INTS7: variants seen among roughly 807,000 people sequenced by gnomAD.
INTS7 encodes the protein integrator complex subunit 7.
In INTS7, 46 loss-of-function variants were observed where a neutral mutation model predicts 109.2. The observed-to-expected ratio is 0.42, with a 90% CI of 0.33 to 0.54. The LOEUF is 0.54. Among genes scored for constraint, INTS7 ranks in the 20% least tolerant of loss-of-function variants. The pLI is 0.07. For synonymous variants in INTS7, 412 were observed against 402.9 expected (o/e 1.02, Z -0.27); for missense variants, 929 against 1,132.4 (o/e 0.82, Z 2.58).
At chr1:211,997,141 C>T (rs1018577881) in intron 7 of INTS7, among the ~76,000 whole-genome samples, 4 of 151,878 alleles carry the variant, frequency 2.6e-5, no homozygotes, top group Non-Finnish European at 5.9e-5. Flanking sequence ...AAATCACCAC[C>T]AAAGAACTTA....
Position 211,974,268 on chromosome 1 carries a change from AAAAAAAAAATATATAT to A in INTS7, c.1815+882_1815+897del, listed in dbSNP as rs1342703339. ...ATAGGAAACAACAATCTCTTCCCAGAAAAAAAAAATATATATATATATATATATATATATATATATA... is the reference window on the plus strand; with the variant it reads ...ATAGGAAACAACAATCTCTTCCCAGAATATATATATATATATATATATATA... On this transcript the variant is annotated intron_variant, in intron 13 of 19. Coordinates refer to ENST00000366994, the MANE Select transcript of INTS7 (RefSeq NM_015434.4). Among the ~76,000 whole-genome samples, 318 of 83,774 alleles carry A rather than the reference AAAAAAAAAATATATAT, an allele frequency of 3.8e-3. 1 individual carries two copies. The highest frequency in any genetic ancestry group is 0.014 in the African/African-American group (273 of 20,028). The allele number at this position is 83,774 out of a possible 152,430, so 55.0% of individuals were successfully genotyped here.
intron 16 of INTS7, among the ~76,000 whole-genome samples, chr1:211,958,153 C>G (rs937237795): frequency 1.3e-5 from 2 of 151,370 alleles, no homozygotes; most frequent in African/African-American, 4.8e-5. Context: ...AAATAATTTT[C>G]CTTCAGCCTA....
In INTS7 at chr1:211,941,754, T is replaced by C. The variant is rs1662640435; in HGVS notation, c.*70A>G. 1.9e-6 allele frequency: 3 copies of C among 1,544,272 alleles called. No homozygotes were observed. The highest frequency in any genetic ancestry group is 2.7e-5 in the African/African-American group (2 of 72,820). On this transcript the variant is annotated 3_prime_UTR_variant, in exon 20 of 20. Transcript: ENST00000366994. Reference sequence around the variant, plus strand: ...CACTGTAACTTTAATACTTATTCCATATGAAAAACCAAACTGTTTCTGGCA... The same window carrying C: ...CACTGTAACTTTAATACTTATTCCACATGAAAAACCAAACTGTTTCTGGCA...
intron 16 of INTS7, among the ~76,000 whole-genome samples, chr1:211,961,795 G>A (rs980900511): frequency 1.3e-5 from 2 of 152,110 alleles, no homozygotes; most frequent in African/African-American, 4.8e-5. Flanking sequence ...AGCTTCATGA[G>A]TGACAGAAAA....
rs374235479 is a variant in INTS7, at chr1:211,952,380, C to T, written c.2316+189G>A. 6 of 479,178 alleles carry T rather than the reference C, an allele frequency of 1.3e-5. No individual in the cohort carries two copies. In the East Asian group the frequency reaches 1.4e-4, roughly 11 times the overall value. The allele number at this position is 479,178 out of a possible 1,614,324, so 29.7% of individuals were successfully genotyped here. On this transcript the variant is annotated intron_variant, in intron 17 of 19. Transcript: ENST00000366994. Reference sequence around the variant, plus strand: ...TAACTACGTAGCAGCTAGAGATGTGCTAAGTACTTTCATGGATTATCTCAT... The same window carrying T: ...TAACTACGTAGCAGCTAGAGATGTGTTAAGTACTTTCATGGATTATCTCAT...
At chr1:212,010,450 C>A (rs1009549364) in intron 5 of INTS7, among the ~76,000 whole-genome samples, 3 of 152,134 alleles carry the variant, frequency 2.0e-5, no homozygotes, top group Non-Finnish European at 4.4e-5. Flanking sequence ...ATTCTAAATG[C>A]AACTGGAAGA....
At chr1:211,980,714 T>C (rs957081516) in intron 10 of INTS7, among the ~76,000 whole-genome samples, 14 of 151,852 alleles carry the variant, frequency 9.2e-5, no homozygotes, top group African/African-American at 2.7e-4. Flanking sequence ...GCTGGGATTA[T>C]AGGCATGAGA....
rs1480156850 is a variant in INTS7 at position 211,981,152 on chromosome 1, C to T, written c.1171G>A (p.Glu391Lys). ...ALEQDAVFGL[E>K]SLLVLCSQDD... ...TGACTACAAAGTACCAGTAGGGATT[C>T]CAGGCCAAAGACAGCATCTTGTTCC... The change falls in exon 10 of 20, where the codon GAA (glutamate) becomes AAA (lysine). Residue 391 changes from glutamate to lysine, a missense_variant. Glu to Lys is a moderately conservative substitution (Grantham distance 56). Transcript: ENST00000366994. 1 of 1,613,494 alleles carries T rather than the reference C, an allele frequency of 6.2e-7. No individual in the cohort carries two copies. Among genetic ancestry groups the T allele is most frequent in the Admixed American group, 1.7e-5 (1 of 59,992 alleles).
intron 16 of INTS7, among the ~76,000 whole-genome samples, chr1:211,955,713 A>G (rs1663331868): frequency 6.6e-6 from 1 of 152,232 alleles, no homozygotes; most frequent in African/African-American, 2.4e-5. Context: ...TACATATATT[A>G]GTTCATTTAA....
chr1:211,999,705 T>C (rs1447632052), intron 7 of INTS7, among the ~76,000 whole-genome samples: 1 of 152,194 alleles, frequency 6.6e-6, no homozygotes, highest in Non-Finnish European at 1.5e-5. Flanking sequence ...AGCAAATTAA[T>C]GGTCTTAACT....
intron 1 of INTS7, among the ~76,000 whole-genome samples, chr1:212,034,127 T>C (rs1472914284): frequency 3.3e-5 from 5 of 151,878 alleles, no homozygotes; most frequent in African/African-American, 4.8e-5. Context: ...CTTTTTTTTT[T>C]CAGAGGAGAA....
chr1:211,976,531 C>T (rs1181591844), intron 12 of INTS7, 51 bp downstream of exon 12: 2 of 1,511,666 alleles, frequency 1.3e-6, no homozygotes, highest in Admixed American at 1.8e-5. Flanking sequence ...ATTGAAGATA[C>T]ATGATCTGAC....
intron 19 of INTS7, among the ~76,000 whole-genome samples, chr1:211,943,109 T>C (rs1033710460): frequency 3.3e-5 from 5 of 152,156 alleles, no homozygotes; most frequent in Admixed American, 1.3e-4. Context: ...CTTTGTACAG[T>C]TTTTATTTCC....
chr1:211,978,031 G>A (rs1022545510), intron 11 of INTS7, among the ~76,000 whole-genome samples: 2 of 152,050 alleles, frequency 1.3e-5, no homozygotes, highest in Non-Finnish European at 1.5e-5. Flanking sequence ...ACAGGGTTTC[G>A]GAAGAAAGCA....
chr1:211,954,393 T>C (rs1273978689), intron 16 of INTS7, among the ~76,000 whole-genome samples: 1 of 152,190 alleles, frequency 6.6e-6, no homozygotes, highest in South Asian at 2.1e-4. Context: ...AGAAGCTCTT[T>C]AGTTTAATTA....
rs1197372514 is a variant in INTS7, at chr1:211,960,373, C to CT, written c.2183+6056dup. On this transcript the variant is annotated intron_variant, in intron 16 of 19. Transcript: ENST00000366994. ...AGACGAGAAAGAACCAGTGCAAGAACTTTGACAACTCAAAAAGCCAGAATG... is the reference window on the plus strand; with the variant it reads ...AGACGAGAAAGAACCAGTGCAAGAACTTTTGACAACTCAAAAAGCCAGAATG... 9.2e-5 allele frequency among the ~76,000 whole-genome samples: 14 copies of CT among 152,124 alleles called. No individual in the cohort carries two copies. In the South Asian group the frequency reaches 2.7e-3, roughly 29 times the overall value.
chr1:211,951,585 C>T (rs569273416), intron 17 of INTS7, among the ~76,000 whole-genome samples: 10 of 152,216 alleles, frequency 6.6e-5, no homozygotes, highest in Admixed American at 2.0e-4. Context: ...AGATTACAGG[C>T]GTGAGCCACC....
intron 1 of INTS7, among the ~76,000 whole-genome samples, chr1:212,031,487 C>T (rs1667160652): frequency 6.6e-6 from 1 of 152,166 alleles, no homozygotes; most frequent in African/African-American, 2.4e-5. Flanking sequence ...TACAGAAGCT[C>T]AAGCAGCATG....
At chr1:212,028,198 C>T (rs1667012859) in intron 1 of INTS7, among the ~76,000 whole-genome samples, 1 of 152,192 alleles carries the variant, frequency 6.6e-6, no homozygotes, top group Non-Finnish European at 1.5e-5. Context: ...ACTGATTATA[C>T]TGGAGTTAGA....
Sources: gnomAD v4.1 joint callset for allele counts (sites outside exome capture counted in the v4.1 genomes callset) on GRCh38, gnomAD v4.1.1 for gene constraint, MANE v1.5 for transcripts, NCBI Gene and HGNC (gene_info 2026-07-23, HGNC 2026-07-21) for gene names.